The following TACC2 variants were observed in gnomAD, a reference collection of about 807,000 sequenced individuals.
The protein encoded by TACC2 is transforming acidic coiled-coil-containing protein 2.
A neutral mutation model predicts 227.3 loss-of-function variants in TACC2; 137 were observed. The ratio of observed to expected loss-of-function variants is 0.60; its 90% CI spans 0.52 to 0.69. The LOEUF (loss-of-function observed/expected upper bound fraction) is 0.69. Among genes scored for constraint, TACC2 ranks in the 30% least tolerant of loss-of-function variants. The pLI is 0.00. For synonymous variants in TACC2, 1,523 were observed against 1,487.5 expected, an observed-to-expected ratio of 1.02 and a Z score of -0.55; for missense variants, 3,470 against 3,694.4, an observed-to-expected ratio of 0.94 and a Z score of 1.57.
At chr10:122,232,887 T>G (rs2095786827) in intron 16 of TACC2, among the ~76,000 whole-genome samples, 2 of 152,228 alleles carry the variant, frequency 1.3e-5, no homozygotes, top group African/African-American at 4.8e-5. Flanking sequence ...GTGACACAGC[T>G]CTGTCATTTT....
At chr10:122,206,356 A>G (rs1011187655) in intron 8 of TACC2, among the ~76,000 whole-genome samples, 1 of 152,188 alleles carries the variant, frequency 6.6e-6, no homozygotes, top group African/African-American at 2.4e-5. Context: ...CAATGTTTGT[A>G]TGCTGAAGCC....
chr10:122,115,143 C>T (rs1218532103), intron 5 of TACC2, among the ~76,000 whole-genome samples: 2 of 152,196 alleles, frequency 1.3e-5, no homozygotes, highest in Admixed American at 6.5e-5. Flanking sequence ...TTTATGGAGA[C>T]AGACACTGCT....
chr10:122,106,653 T>C (rs2082840059), intron 5 of TACC2, among the ~76,000 whole-genome samples: 1 of 152,234 alleles, frequency 6.6e-6, no homozygotes, highest in Admixed American at 6.5e-5. Context: ...TTGTGGTCTT[T>C]CATTCCTTTC....
chr10:122,249,214 G>A (rs1475908305), intron 21 of TACC2, 58 bp downstream of exon 21: 3 of 1,332,764 alleles, frequency 2.3e-6, no homozygotes, highest in Non-Finnish European at 3.2e-6. Context: ...CTTTTACCCA[G>A]GCAGGCTGGG....
intron 2 of TACC2, among the ~76,000 whole-genome samples, chr10:122,034,232 T>A (rs1362673154): frequency 6.6e-6 from 1 of 151,648 alleles, no homozygotes; most frequent in Admixed American, 6.6e-5. Flanking sequence ...TGCATTTGTT[T>A]CTCTGCATAT....
chr10:122,224,131 T>C (rs1000968954), intron 11 of TACC2, among the ~76,000 whole-genome samples: 4 of 152,204 alleles, frequency 2.6e-5, no homozygotes, highest in African/African-American at 9.6e-5. Context: ...TGGACTTTAC[T>C]AGTCTTTGAG....
Position 122,087,381 on chromosome 10 carries a change from G to A in TACC2, c.4881G>A (p.Val1627=), listed in dbSNP as rs746260034. The change falls in exon 4 of 23, where the codon GTG becomes GTA. Residue 1627 remains valine (V), a synonymous_variant. Transcript: ENST00000369005. ...CTCACACAGGGGTTCCAGGACATGTGCCAAGGTCCACGTGTGCCCCTTCTC... is the reference window on the plus strand; with the variant it reads ...CTCACACAGGGGTTCCAGGACATGTACCAAGGTCCACGTGTGCCCCTTCTC... ...DFAHTGVPGH[V]PRSTCAPSPQ... 8.7e-6 allele frequency: 14 copies of A among 1,613,972 alleles called. No homozygotes were observed. The Admixed American group carries it at 1.2e-4, about 13-fold the overall frequency.
intron 8 of TACC2, among the ~76,000 whole-genome samples, chr10:122,208,819 C>A (rs1318453945): frequency 6.6e-6 from 1 of 152,330 alleles, no homozygotes; most frequent in South Asian, 2.1e-4. Flanking sequence ...CCGTTTACTC[C>A]TCATTCTGCA....
chr10:122,041,892 G>A (rs1010903838), intron 2 of TACC2, among the ~76,000 whole-genome samples: 1 of 152,266 alleles, frequency 6.6e-6, no homozygotes, highest in African/African-American at 2.4e-5. Flanking sequence ...TTGGCCAGAT[G>A]CATCTTCTGA....
chr10:122,128,686 A>T (rs1271305136), intron 5 of TACC2, among the ~76,000 whole-genome samples: 1 of 152,224 alleles, frequency 6.6e-6, no homozygotes, highest in Non-Finnish European at 1.5e-5. Context: ...ACTTAAAATA[A>T]CTTCTTACAT....
chr10:122,069,434 G>C (rs966737109), intron 3 of TACC2, among the ~76,000 whole-genome samples: 8 of 151,794 alleles, frequency 5.3e-5, no homozygotes, highest in African/African-American at 9.7e-5. Context: ...AGTAGAGATG[G>C]GGTTTCACCG....
At chr10:122,033,871 G>A (rs908750218) in intron 2 of TACC2, among the ~76,000 whole-genome samples, 9 of 152,108 alleles carry the variant, frequency 5.9e-5, no homozygotes, top group Admixed American at 4.6e-4. Context: ...AAAAGAGTGG[G>A]CCAAGTGCGG....
In TACC2 at chr10:122,180,778, G is replaced by A. The variant is rs956501049; in HGVS notation, c.5835-14262G>A. On this transcript the variant is annotated intron_variant, in intron 7 of 22. Transcript: ENST00000369005. The surrounding 1 kb of genome is among the most constrained non-coding windows in gnomAD (Gnocchi z 4.5). ...TGAGACGGAGTCTCGCTCTGTTGCC[G>A]AGGCTGGATGGAGTGCAATGGCGCA... is the stretch of plus-strand genomic sequence containing the variant. Among the ~76,000 whole-genome samples, 3 of 151,736 alleles carry A rather than the reference G, an allele frequency of 2.0e-5. No individual in the cohort carries two copies. Among genetic ancestry groups the A allele is most frequent in the African/African-American group, 4.8e-5 (2 of 41,276 alleles).
intron 7 of TACC2, among the ~76,000 whole-genome samples, chr10:122,144,604 G>C (rs185213250): frequency 1.3e-5 from 2 of 152,192 alleles, no homozygotes; most frequent in African/African-American, 4.8e-5. Flanking sequence ...TGCCCAAAGC[G>C]TAGACAACCA....
intron 5 of TACC2, among the ~76,000 whole-genome samples, chr10:122,129,598 C>T (rs753076892): frequency 2.0e-5 from 3 of 152,170 alleles, no homozygotes; most frequent in African/African-American, 4.8e-5. Context: ...GTTGCCAGAA[C>T]TTTGGAGCTC....
At chr10:122,176,105 CTCTCTCTCTCTCTATATATATATA>C (rs1197158532) in intron 7 of TACC2, among the ~76,000 whole-genome samples, 71 of 73,406 alleles carry the variant, frequency 9.7e-4, no homozygotes, top group African/African-American at 2.5e-3. Context: ...CTCTCTCTCT[CTCTCTCTCTCTCTATATATATATA>C]TATATATATA....
intron 1 of TACC2, among the ~76,000 whole-genome samples, chr10:122,016,396 G>A (rs760927142): frequency 6.6e-6 from 1 of 151,718 alleles, no homozygotes; most frequent in East Asian, 1.9e-4. Context: ...GCGAAACCCC[G>A]TCTCTACTAA....
intron 3 of TACC2, among the ~76,000 whole-genome samples, chr10:122,059,417 A>T (rs1203012650): frequency 6.6e-6 from 1 of 152,042 alleles, no homozygotes; most frequent in Non-Finnish European, 1.5e-5. Context: ...TGTTTGTAAT[A>T]AGAATCCCAT....
chr10:122,210,899 T>C lies in TACC2; in HGVS notation c.6474T>C (p.Asp2158=), dbSNP rs915739324. ...PPVKETQQEP[D]EESLVPSGEN... Reference sequence around the variant, plus strand: ...TGAAGGAGACGCAACAGGAGCCAGATGAAGAGAGCCTTGTCCCCAGTGGGG... The same window carrying C: ...TGAAGGAGACGCAACAGGAGCCAGACGAAGAGAGCCTTGTCCCCAGTGGGG... Residue 2158 remains aspartate (D), a synonymous_variant, in exon 9 of 23, where the codon GAT becomes GAC. Coordinates refer to ENST00000369005, the MANE Select transcript of TACC2 (RefSeq NM_206862.4). This position sits in a 1 kb window ranked among gnomAD's most constrained non-coding sequence, Gnocchi z 4.6. 1 of 1,611,024 alleles carries C rather than the reference T, an allele frequency of 6.2e-7. No individual in the cohort carries two copies. Among genetic ancestry groups the C allele is most frequent in the Non-Finnish European group, 8.5e-7 (1 of 1,179,548 alleles).
Sources: gnomAD v4.1 joint callset for allele counts (sites outside exome capture counted in the v4.1 genomes callset) on GRCh38, gnomAD v4.1.1 for gene constraint, Gnocchi (gnomAD v3.1) non-coding constraint, MANE v1.5 for transcripts, NCBI Gene and HGNC (gene_info 2026-07-23, HGNC 2026-07-21) for gene names.